The following EML1 variants were observed in gnomAD, a reference collection of about 807,000 sequenced individuals.
EML1 encodes the protein echinoderm microtubule-associated protein-like 1.
A neutral mutation model predicts 110.4 loss-of-function variants in EML1; 27 were observed. The ratio of observed to expected loss-of-function variants is 0.24; its 90% CI spans 0.18 to 0.34. The LOEUF (loss-of-function observed/expected upper bound fraction) is 0.34. Ranked by LOEUF, EML1 falls within the 10% of genes least tolerant of loss-of-function variation. The pLI, the probability that EML1 is intolerant of heterozygous loss-of-function variation, is 1.00. For missense variants in EML1, 741 were observed against 1,030.9 expected, an observed-to-expected ratio of 0.72 and a Z score of 3.85; for synonymous variants, 344 against 385.8, an observed-to-expected ratio of 0.89 and a Z score of 1.27.
rs532190694 is a variant in EML1, at chr14:99,840,798, G to GA, written c.68-10049dup. 3.3e-5 allele frequency among the ~76,000 whole-genome samples: 5 copies of GA among 152,212 alleles called. No homozygotes were observed. In the South Asian group the frequency reaches 8.3e-4, roughly 25 times the overall value. On this transcript the variant is annotated intron_variant, in intron 1 of 21. Coordinates refer to ENST00000262233, the MANE Select transcript of EML1 (RefSeq NM_004434.3). ...ATACTGAGATAATCACATGAATGGA[G>GA]AAAAAAGCATGCTTCTCTCACCTTT...
Position 99,914,293 on chromosome 14 carries a change from C to T in EML1, c.1609C>T (p.Pro537Ser). The T allele has an allele frequency of 6.2e-7, 1 of 1,612,030 alleles. No homozygotes were observed. Among genetic ancestry groups the T allele is most frequent in the Non-Finnish European group, 8.5e-7 (1 of 1,178,258 alleles). ...LQGTLSGDFT[P>S]ITQGHTDELW... The stretch of plus-strand genomic sequence containing the variant: ...GGGCACTCTGTCAGGGGACTTCACA[C>T]CCATTACTCAGGTACGATCCCACTC... Residue 537 changes from proline (P) to serine (S), a missense_variant, in exon 14 of 22, where the codon CCC becomes TCC. This residue lies in a region of EML1 where 388 missense variants were observed against 605.6 expected (regional missense o/e 0.64). Transcript: ENST00000262233.
At chr14:99,800,224 A>T (rs1595298899) in intron 1 of EML1, among the ~76,000 whole-genome samples, 1 of 152,146 alleles carries the variant, frequency 6.6e-6, no homozygotes, top group Non-Finnish European at 1.5e-5. Flanking sequence ...CATTCATTTT[A>T]ATCTGGCCCA....
intron 2 of EML1, among the ~76,000 whole-genome samples, chr14:99,864,208 A>C (rs2059053025): frequency 6.6e-6 from 1 of 152,158 alleles, no homozygotes; most frequent in African/African-American, 2.4e-5. Flanking sequence ...TTACCATTGA[A>C]TTTGAAGAGT....
chr14:99,831,470 G>C (rs1206347143), intron 1 of EML1, among the ~76,000 whole-genome samples: 1 of 152,184 alleles, frequency 6.6e-6, no homozygotes, highest in Non-Finnish European at 1.5e-5. Context: ...GTGGGCCAGG[G>C]CCTCTCATCC....
At chr14:99,825,355 T>A (rs1192896809) in intron 1 of EML1, among the ~76,000 whole-genome samples, 1 of 152,202 alleles carries the variant, frequency 6.6e-6, no homozygotes, top group East Asian at 1.9e-4. Context: ...CTGTTGTGAA[T>A]AGTGCTGTGA....
chr14:99,939,308 AC>A lies in EML1; in HGVS notation c.2307del (p.Cys770AlafsTer76). 6.2e-7 allele frequency: 1 copy of A among 1,614,184 alleles called. No individual in the cohort carries two copies. Among genetic ancestry groups the A allele is most frequent in the Non-Finnish European group, 8.5e-7 (1 of 1,180,026 alleles). ...DDFGKVHLFS[Y>X]PCSQFRAPSH... ...TTTGGCAAAGTGCACCTCTTCTCAT[AC>A]CCCTGCTCGCAGTTCAGGGTAAAGG... On this transcript the variant is annotated frameshift_variant, in exon 21 of 22. Coordinates refer to ENST00000262233, the MANE Select transcript of EML1 (RefSeq NM_004434.3). LOFTEE classifies it high-confidence loss of function. The surrounding 1 kb of genome is among the most constrained non-coding windows in gnomAD (Gnocchi z 4.2).
rs185523970 is a variant in EML1, at chr14:99,757,539, G to T, written c.28+19679G>T. On this transcript the variant is annotated intron_variant, in intron 1 of 10. Transcript: ENST00000554479. Reference sequence around the variant, plus strand: ...TACACTCATGTGCACACACAGCAAGGCTTCAACCTAACTTTTTATTGGGAT... The same window carrying T: ...TACACTCATGTGCACACACAGCAAGTCTTCAACCTAACTTTTTATTGGGAT... Among the ~76,000 whole-genome samples, 109 of 152,298 alleles carry T rather than the reference G, an allele frequency of 7.2e-4. 1 individual carries two copies. The highest frequency in any genetic ancestry group is 7.3e-4 in the Non-Finnish European group (50 of 68,038).
At chr14:99,897,344 G>A in intron 7 of EML1, 50 bp downstream of exon 7, 1 of 1,534,042 alleles carries the variant, frequency 6.5e-7, no homozygotes, top group Non-Finnish European at 8.8e-7. Context: ...GAAGGTAGGA[G>A]GATCGCTTGA....
chr14:99,795,305 C>G (rs554238580), intron 1 of EML1, among the ~76,000 whole-genome samples: 43 of 152,324 alleles, frequency 2.8e-4, no homozygotes, highest in Admixed American at 1.8e-3. Context: ...TGGTATTTTA[C>G]TGGTGGTGAT....
At chr14:99,813,469 CTG>C (rs1233346285) in intron 1 of EML1, among the ~76,000 whole-genome samples, 1 of 152,114 alleles carries the variant, frequency 6.6e-6, no homozygotes, top group Non-Finnish European at 1.5e-5. Context: ...AATCCCAGCA[CTG>C]TGGGAGGCCG....
chr14:99,793,374 G>T (rs1312613156), upstream of EML1: 2 of 993,132 alleles, frequency 2.0e-6, no homozygotes, highest in Non-Finnish European at 2.4e-6. Flanking sequence ...CAGCAGGGCC[G>T]GCCCCAGCGC....
chr14:99,909,281 T>G (rs759475034), intron 10 of EML1, 64 bp from the exon 11 acceptor site: 1 of 1,611,098 alleles, frequency 6.2e-7, no homozygotes, highest in Non-Finnish European at 8.5e-7. Flanking sequence ...TTTACTTGTT[T>G]TCCTACATGT....
chr14:99,919,368 A>G (rs1595481523), intron 16 of EML1, among the ~76,000 whole-genome samples: 2 of 152,002 alleles, frequency 1.3e-5, no homozygotes, highest in East Asian at 3.9e-4. Context: ...CATGTAGCCA[A>G]CAGAATTCTT....
At chr14:99,820,040 A>G (rs545894961) in intron 1 of EML1, among the ~76,000 whole-genome samples, 9 of 152,322 alleles carry the variant, frequency 5.9e-5, no homozygotes, top group Admixed American at 1.3e-4. Flanking sequence ...GGGGGTTCCA[A>G]TGGAAGAGCT....
intron 2 of EML1, among the ~76,000 whole-genome samples, chr14:99,856,535 T>G (rs1441911073): frequency 6.6e-6 from 1 of 152,240 alleles, no homozygotes. Flanking sequence ...AAGGAGCAAG[T>G]GGCTTTTGCT....
chr14:99,921,264 A>G (rs2060126203), intron 17 of EML1, among the ~76,000 whole-genome samples: 1 of 152,136 alleles, frequency 6.6e-6, no homozygotes, highest in Admixed American at 6.5e-5. Flanking sequence ...GTTCCTTTTT[A>G]TGGCTGCATA....
rs753377720 is a variant in EML1, at chr14:99,898,253, G to A, written c.848G>A (p.Arg283Gln). The change falls in exon 8 of 22, where the codon CGG becomes CAG. Residue 283 changes from arginine to glutamine, a missense_variant. Physicochemically the swap from Arg to Gln is conservative, Grantham distance 43. Around this residue, in one of 4 missense-constraint regions of EML1, gnomAD observed 388 missense variants for 605.6 expected, o/e 0.64. Coordinates refer to ENST00000262233, the MANE Select transcript of EML1 (RefSeq NM_004434.3). Reference protein sequence around the residue: ...DVKCLAVHPDRITIATGQVAG... With the variant: ...DVKCLAVHPDQITIATGQVAG... ...CTTAGCCTAGCAGTTCATCCTGATC[G>A]GATCACGATAGCAACAGGACAAGTT... 1.2e-5 allele frequency: 20 copies of A among 1,609,102 alleles called. No individual in the cohort carries two copies. Among genetic ancestry groups the A allele is most frequent in the Non-Finnish European group, 1.6e-5 (19 of 1,176,860 alleles).
intron 1 of EML1, among the ~76,000 whole-genome samples, chr14:99,797,438 G>A (rs2057796041): frequency 1.3e-5 from 2 of 152,128 alleles, no homozygotes; most frequent in Non-Finnish European, 2.9e-5. Flanking sequence ...GTGGACCTAT[G>A]TTTTCATTTC....
chr14:99,806,265 G>A (rs1475441678), intron 1 of EML1, among the ~76,000 whole-genome samples: 1 of 149,860 alleles, frequency 6.7e-6, no homozygotes, highest in African/African-American at 2.5e-5. Flanking sequence ...TGCATTACAA[G>A]CAGCCCTGCT....
Sources: gnomAD v4.1 joint callset for allele counts (sites outside exome capture counted in the v4.1 genomes callset) on GRCh38, gnomAD v4.1.1 for gene constraint, gnomAD v4.1.1 regional missense constraint, Gnocchi (gnomAD v3.1) non-coding constraint, MANE v1.5 for transcripts, NCBI Gene and HGNC (gene_info 2026-07-23, HGNC 2026-07-21) for gene names.